DHX32: variants seen among roughly 807,000 people sequenced by gnomAD.
DHX32 encodes putative pre-mRNA-splicing factor ATP-dependent RNA helicase DHX32.
A neutral mutation model predicts 70.0 loss-of-function variants in DHX32; 51 were observed. The observed-to-expected ratio is 0.73, with a 90% confidence interval of 0.58 to 0.92. The LOEUF (loss-of-function observed/expected upper bound fraction) is 0.92, where lower values mean the gene tolerates loss of function less well. Ranked by LOEUF, DHX32 falls within the 40% of genes least tolerant of loss-of-function variation. The pLI is 0.00. For missense variants in DHX32, 762 were observed against 891.8 expected (o/e 0.85, Z 1.85); for synonymous variants, 310 against 315.3 (o/e 0.98, Z 0.18).
At chr10:125,858,633 C>G (rs1234351410) in intron 3 of DHX32, among the ~76,000 whole-genome samples, 2 of 152,194 alleles carry the variant, frequency 1.3e-5, no homozygotes, top group Admixed American at 1.3e-4. Flanking sequence ...TGACAGACAG[C>G]TGAGCCACTT....
chr10:125,857,879 G>GTTT (rs72152222), intron 3 of DHX32, among the ~76,000 whole-genome samples: 2 of 140,830 alleles, frequency 1.4e-5, no homozygotes, highest in Non-Finnish European at 3.0e-5. Context: ...GTATATCCTG[G>GTTT]TTTTTTTTTT....
chr10:125,895,685 T>C, intron 1 of DHX32, among the ~76,000 whole-genome samples: 1 of 152,420 alleles, frequency 6.6e-6, no homozygotes, highest in South Asian at 2.1e-4. Context: ...ACAAAACGTG[T>C]GGGCAGATTC....
At chr10:125,874,453 T>C (rs1360912418) in intron 1 of DHX32, among the ~76,000 whole-genome samples, 2 of 152,176 alleles carry the variant, frequency 1.3e-5, no homozygotes, top group Admixed American at 6.5e-5. Flanking sequence ...AGAGAAACCA[T>C]TGCTAGGTAT....
At position 125,867,684 on chromosome 10, in the gene DHX32, A is replaced by C. The variant is rs1005310213; in HGVS notation, c.283-501T>G. On this transcript the variant is annotated intron_variant, in intron 1 of 10. Transcript: ENST00000284690. ...CCGGGAGGCGGAGCTTGCAGTGAGCAGAGATTGTGCCACTGCACGCCAGCC... is the reference window on the plus strand; with the variant it reads ...CCGGGAGGCGGAGCTTGCAGTGAGCCGAGATTGTGCCACTGCACGCCAGCC... Among the ~76,000 whole-genome samples, 14 of 150,628 alleles carry C rather than the reference A, an allele frequency of 9.3e-5. No individual in the cohort carries two copies. The East Asian group carries it at 2.2e-3, about 23-fold the overall frequency.
intron 1 of DHX32, among the ~76,000 whole-genome samples, chr10:125,868,737 C>T (rs1164780098): frequency 6.6e-6 from 1 of 152,146 alleles, no homozygotes; most frequent in Non-Finnish European, 1.5e-5. Flanking sequence ...TCCATGTAAA[C>T]CACAAATTTT....
At chr10:125,885,679 G>C (rs1944337271), upstream of DHX32, among the ~76,000 whole-genome samples, 1 of 152,152 alleles carries the variant, frequency 6.6e-6, no homozygotes, top group Non-Finnish European at 1.5e-5. Context: ...CTACGAAGCT[G>C]TTAAGACAAT....
At chr10:125,869,919 T>A (rs1356613144) in intron 1 of DHX32, among the ~76,000 whole-genome samples, 1 of 152,108 alleles carries the variant, frequency 6.6e-6, no homozygotes, top group Non-Finnish European at 1.5e-5. Flanking sequence ...GTGCTAAGCA[T>A]GGGAGAGAGG....
intron 1 of DHX32, among the ~76,000 whole-genome samples, chr10:125,868,280 T>C (rs1156479123): frequency 1.3e-5 from 2 of 152,240 alleles, no homozygotes; most frequent in East Asian, 3.8e-4. Context: ...TCTTAAGGCA[T>C]TGTCAGTAAA....
rs147738050 is a variant in DHX32, at chr10:125,880,847, C to T, written c.-23G>A. ...CATCTTGTCTGACAGTGAGCTCACG[C>T]AGCTGACATTCCACAAGCAAGTTTC... is the stretch of plus-strand genomic sequence containing the variant. On this transcript the variant is annotated 5_prime_UTR_variant, in exon 1 of 11. Transcript: ENST00000284690. The T allele has an allele frequency of 6.3e-7, 1 of 1,594,020 alleles. No individual in the cohort carries two copies. Among genetic ancestry groups the T allele is most frequent in the African/African-American group, 1.4e-5 (1 of 73,992 alleles).
intron 1 of DHX32, among the ~76,000 whole-genome samples, chr10:125,868,840 A>G (rs950872323): frequency 6.6e-6 from 1 of 152,140 alleles, no homozygotes; most frequent in African/African-American, 2.4e-5. Context: ...TTTTCTCCAC[A>G]AGGCTTGCTG....
chr10:125,851,686 G>A (rs889855104), intron 6 of DHX32, among the ~76,000 whole-genome samples: 3 of 152,150 alleles, frequency 2.0e-5, no homozygotes, highest in African/African-American at 4.8e-5. Flanking sequence ...TTTTGAGCTG[G>A]TTATTCTGAG....
chr10:125,838,120 C>T, intron 10 of DHX32, 86 bp downstream of exon 10: 1 of 1,329,370 alleles, frequency 7.5e-7, no homozygotes, highest in Non-Finnish European at 1.0e-6. Flanking sequence ...AACTTTAGAA[C>T]TAAGAATAAA....
At position 125,880,779 on chromosome 10, in the gene DHX32, G is replaced by A. The variant is rs150040675; in HGVS notation, c.46C>T (p.Arg16Cys). 5.1e-4 allele frequency: 818 copies of A among 1,614,128 alleles called. 3 individuals carry two copies. The African/African-American group carries it at 9.4e-3, about 19-fold the overall frequency. ...GAATCCAGGGATTCAGGAAAATAGC[G>A]TTTTTCAGAGGAAGAGTTTGGACAC... is the stretch of plus-strand genomic sequence containing the variant. The part of the protein sequence containing the change: ...LECPNSSSEK[R>C]YFPESLDSSD... Residue 16 changes from arginine to cysteine, a missense_variant, in exon 1 of 11, where the codon CGC becomes TGC. By Grantham distance (180) the Arg-to-Cys change is radical. Coordinates refer to ENST00000284690, the MANE Select transcript of DHX32 (RefSeq NM_018180.3).
intron 6 of DHX32, among the ~76,000 whole-genome samples, chr10:125,848,414 C>CTCTA (rs1944050891): frequency 6.6e-6 from 1 of 152,226 alleles, no homozygotes; most frequent in African/African-American, 2.4e-5. Context: ...AGGGCAGACA[C>CTCTA]TCTACCCTAA....
rs1452647631 is a variant in DHX32 at position 125,840,920 on chromosome 10, G to A, written c.1620C>T (p.Pro540=). Residue 540 remains proline, a synonymous_variant, in exon 8 of 11, where the codon CCC becomes CCT. Transcript: ENST00000284690. ...TGATGAGGGTAAAGTGATCTCCTTC[G>A]GGATGTAAAAATGTCTTCCAACAAG... is the stretch of plus-strand genomic sequence containing the variant. ...ALTCWKTFLH[P]EGDHFTLISI... The A allele has an allele frequency of 1.2e-6, 2 of 1,612,668 alleles. No individual in the cohort carries two copies. Among genetic ancestry groups the A allele is most frequent in the Non-Finnish European group, 1.7e-6 (2 of 1,178,766 alleles).
intron 1 of DHX32, among the ~76,000 whole-genome samples, chr10:125,889,024 A>C (rs906700047): frequency 6.6e-6 from 1 of 152,212 alleles, no homozygotes; most frequent in Non-Finnish European, 1.5e-5. Context: ...GCGCCACTGC[A>C]CTCCAACCTG....
chr10:125,892,027 A>G (rs1359799423), intron 1 of DHX32, among the ~76,000 whole-genome samples: 1 of 152,146 alleles, frequency 6.6e-6, no homozygotes, highest in Non-Finnish European at 1.5e-5. Context: ...ATGTCCAACT[A>G]CTACTACTTA....
At chr10:125,882,349 G>C (rs1344148404), upstream of DHX32, among the ~76,000 whole-genome samples, 1 of 152,136 alleles carries the variant, frequency 6.6e-6, no homozygotes, top group East Asian at 1.9e-4. Context: ...TAGATGGTTG[G>C]AGCCAGTGTG....
At chr10:125,860,824 C>T (rs918421099) in intron 2 of DHX32, among the ~76,000 whole-genome samples, 1 of 133,574 alleles carries the variant, frequency 7.5e-6, no homozygotes, top group Non-Finnish European at 1.6e-5. Context: ...GGCGCAATCT[C>T]GGCTCACTGC....
Sources: allele counts gnomAD v4.1 joint callset (sites outside exome capture counted in the v4.1 genomes callset), GRCh38; gene constraint gnomAD v4.1.1; transcripts MANE v1.5; gene names NCBI Gene and HGNC (gene_info 2026-07-23, HGNC 2026-07-21).